EIF2AK2: variants seen among roughly 807,000 people sequenced by gnomAD.
EIF2AK2 encodes eukaryotic translation initiation factor 2 alpha kinase 2, also known as interferon-induced, double-stranded RNA-activated protein kinase.
A neutral mutation model predicts 70.5 loss-of-function variants in EIF2AK2; 40 were observed. That is an observed-to-expected ratio of 0.57 (90% CI 0.44 to 0.74). The LOEUF (loss-of-function observed/expected upper bound fraction) is 0.74, where lower values mean the gene tolerates loss of function less well. Among genes scored for constraint, EIF2AK2 ranks in the 30% least tolerant of loss-of-function variants. The pLI is 0.00. For missense variants in EIF2AK2, 555 were observed against 644.3 expected (o/e 0.86, Z 1.50); for synonymous variants, 198 against 220.9 (o/e 0.90, Z 0.92).
intron 12 of EIF2AK2, among the ~76,000 whole-genome samples, chr2:37,120,822 G>C (rs1245542657): frequency 6.7e-6 from 1 of 149,574 alleles, no homozygotes; most frequent in Non-Finnish European, 1.5e-5. Flanking sequence ...AATTAGCTGG[G>C]TGTGGTGGCG....
At chr2:37,118,004 A>G (rs1438153689) in intron 13 of EIF2AK2, among the ~76,000 whole-genome samples, 1 of 152,162 alleles carries the variant, frequency 6.6e-6, no homozygotes, top group Non-Finnish European at 1.5e-5. Context: ...AAGATGAAAG[A>G]AGTCTCAGTA....
At chr2:37,153,712 T>A (rs1038620956) in intron 1 of EIF2AK2, among the ~76,000 whole-genome samples, 1 of 152,224 alleles carries the variant, frequency 6.6e-6, no homozygotes, top group African/African-American at 2.4e-5. Context: ...TATACCATAT[T>A]TTGTTCATGC....
intron 9 of EIF2AK2, chr2:37,136,700 A>T: frequency 4.5e-6 from 1 of 221,908 alleles, no homozygotes; most frequent in Non-Finnish European, 8.9e-6. Flanking sequence ...ACACTTCTAC[A>T]GTGAAAACAG....
At chr2:37,122,056 T>C (rs1558414320) in intron 12 of EIF2AK2, among the ~76,000 whole-genome samples, 2 of 152,180 alleles carry the variant, frequency 1.3e-5, no homozygotes, top group African/African-American at 2.4e-5. Context: ...GTGGTATAGT[T>C]ACATTCCAAA....
chr2:37,150,709 C>G (rs905453837), intron 1 of EIF2AK2, among the ~76,000 whole-genome samples: 3 of 152,126 alleles, frequency 2.0e-5, no homozygotes, highest in Non-Finnish European at 4.4e-5. Flanking sequence ...AAATATATTT[C>G]TCTTCTCCCC....
chr2:37,110,557 C>A (rs1221590120), intron 14 of EIF2AK2, among the ~76,000 whole-genome samples: 1 of 152,134 alleles, frequency 6.6e-6, no homozygotes, highest in East Asian at 1.9e-4. Flanking sequence ...CTATTGTGTT[C>A]TATATTTTTT....
intron 1 of EIF2AK2, among the ~76,000 whole-genome samples, chr2:37,149,557 C>T (rs976878252): frequency 9.4e-5 from 10 of 106,528 alleles, no homozygotes; most frequent in Admixed American, 3.7e-4. Context: ...TCAATGTGCA[C>T]GGTTCCCATG....
chr2:37,145,282 A>G (rs975700337), intron 4 of EIF2AK2, among the ~76,000 whole-genome samples: 2 of 151,388 alleles, frequency 1.3e-5, no homozygotes, highest in Admixed American at 6.6e-5. Context: ...AGCCGGAATT[A>G]TAGGTGCCCA....
intron 5 of EIF2AK2, among the ~76,000 whole-genome samples, chr2:37,140,776 T>C (rs73924981): frequency 0.02 from 2,979 of 152,342 alleles, 98 homozygotes; most frequent in African/African-American, 0.068. Flanking sequence ...TTTCTCTTCC[T>C]GGTTTTGGCT....
At chr2:37,147,050 A>G (rs555701079) in intron 3 of EIF2AK2, 77 bp from the exon 4 acceptor site, 2 of 1,338,412 alleles carry the variant, frequency 1.5e-6, no homozygotes, top group Admixed American at 4.6e-5. Context: ...AGTCATCACT[A>G]CCTCCTATGA....
At chr2:37,108,932 C>G (rs2148663334) in intron 15 of EIF2AK2, among the ~76,000 whole-genome samples, 1 of 152,268 alleles carries the variant, frequency 6.6e-6, no homozygotes, top group South Asian at 2.1e-4. Flanking sequence ...AGCAGTCAAT[C>G]AATAAAATGT....
At chr2:37,139,855 A>G in intron 5 of EIF2AK2, 98 bp from the exon 6 acceptor site, 1 of 1,219,446 alleles carries the variant, frequency 8.2e-7, no homozygotes, top group Non-Finnish European at 1.1e-6. Flanking sequence ...AGATCTTAAG[A>G]TAACACCAAT....
chr2:37,107,765 T>C (rs974718221), intron 15 of EIF2AK2, among the ~76,000 whole-genome samples: 1 of 152,278 alleles, frequency 6.6e-6, no homozygotes, highest in East Asian at 1.9e-4. Flanking sequence ...TTCATGCATT[T>C]TGGAACCCTA....
chr2:37,154,629 C>T (rs994701370), intron 1 of EIF2AK2, among the ~76,000 whole-genome samples: 5 of 152,084 alleles, frequency 3.3e-5, no homozygotes, highest in African/African-American at 1.2e-4. Flanking sequence ...GGTGGCATCT[C>T]GGCTCGCTGC....
intron 13 of EIF2AK2, among the ~76,000 whole-genome samples, chr2:37,116,719 G>A (rs1674354452): frequency 6.6e-6 from 1 of 152,182 alleles, no homozygotes; most frequent in Non-Finnish European, 1.5e-5. Context: ...GAGTGGATGT[G>A]GAGAGAAAAC....
At position 37,121,986 on chromosome 2, in the gene EIF2AK2, G is replaced by T. The variant is rs971920253; in HGVS notation, c.1067+520C>A. On this transcript the variant is annotated intron_variant, in intron 12 of 16. Transcript: ENST00000233057. Reference sequence around the variant, plus strand: ...GGCTTAACTGACATAAAACATGAGGGTGCCCCCATCTCAGCTTGTGGTCTT... The same window carrying T: ...GGCTTAACTGACATAAAACATGAGGTTGCCCCCATCTCAGCTTGTGGTCTT... Among the ~76,000 whole-genome samples, 8 of 152,162 alleles carry T rather than the reference G, an allele frequency of 5.3e-5. 1 individual carries two copies. The South Asian group carries it at 1.7e-3, about 32-fold the overall frequency.
chr2:37,111,708 A>G lies in EIF2AK2; in HGVS notation c.1378-2413T>C, dbSNP rs370587516. ...GTCTCTACAAAAAATACAAAAAAAA[A>G]TTAGCCAGGTGTTGGTGGTTTGAGC... On this transcript the variant is annotated intron_variant, in intron 14 of 16. Coordinates refer to ENST00000233057, the MANE Select transcript of EIF2AK2 (RefSeq NM_001135651.3). Among the ~76,000 whole-genome samples, 62 of 121,650 alleles carry G rather than the reference A, an allele frequency of 5.1e-4. No homozygotes were observed. In the East Asian group the frequency reaches 0.014, roughly 27 times the overall value. 79.8% of individuals were successfully genotyped at this position (121,650 alleles called of 152,430 possible). A position where few individuals can be genotyped will look rare whatever the true frequency, so the allele number is the denominator to read the frequency against.
At position 37,119,191 on chromosome 2, in the gene EIF2AK2, G is replaced by T. The variant is rs576111851; in HGVS notation, c.1248+768C>A. On this transcript the variant is annotated intron_variant, in intron 13 of 16. Transcript: ENST00000233057. ...GAAGTAAAAAATAGGGAAACTCCTT[G>T]TCCGGACCATAAAAGCCAGAGGAAA... 2.0e-5 allele frequency among the ~76,000 whole-genome samples: 3 copies of T among 152,278 alleles called. No homozygotes were observed. The South Asian group carries it at 6.2e-4, about 32-fold the overall frequency.
intron 15 of EIF2AK2, 142 bp from the exon 16 acceptor site, chr2:37,107,669 T>C: frequency 1.2e-6 from 1 of 811,706 alleles, no homozygotes; most frequent in Non-Finnish European, 1.9e-6. Context: ...CAAGCAGGAT[T>C]CCCTCTCTCC....
Sources: allele counts gnomAD v4.1 joint callset (sites outside exome capture counted in the v4.1 genomes callset), GRCh38; gene constraint gnomAD v4.1.1; transcripts MANE v1.5; gene names NCBI Gene and HGNC (gene_info 2026-07-23, HGNC 2026-07-21).